The following HECW2 variants were observed in gnomAD, a reference collection of about 807,000 sequenced individuals.
HECW2 encodes the protein HECT, C2 and WW domain containing E3 ubiquitin protein ligase 2, also known as E3 ubiquitin-protein ligase HECW2.
In HECW2, 61 loss-of-function variants were observed where a neutral mutation model predicts 175.2. That is an observed-to-expected ratio of 0.35 (90% CI 0.28 to 0.43). The LOEUF is 0.43. Ranked by LOEUF, HECW2 falls within the 20% of genes least tolerant of loss-of-function variation. The pLI is 1.00. For missense variants in HECW2, 1,524 were observed against 2,000.5 expected (o/e 0.76, Z 4.54); for synonymous variants, 671 against 731.0 (o/e 0.92, Z 1.32).
intron 1 of HECW2, among the ~76,000 whole-genome samples, chr2:196,569,092 C>T (rs959471313): frequency 6.6e-6 from 1 of 152,172 alleles, no homozygotes; most frequent in Non-Finnish European, 1.5e-5. Context: ...AATCTCAGCA[C>T]TTTGGGAGGC....
In HECW2 at chr2:196,201,131, T is replaced by C; in HGVS notation, c.*146A>G. On this transcript the variant is annotated 3_prime_UTR_variant, in exon 29 of 29. Coordinates refer to ENST00000644978, the MANE Select transcript of HECW2 (RefSeq NM_001348768.2). ...AGGACTCATCTCCAGTCCCCAAATGTGACAGAGCACTTGTTCCTGGAAAAC... is the reference window on the plus strand; with the variant it reads ...AGGACTCATCTCCAGTCCCCAAATGCGACAGAGCACTTGTTCCTGGAAAAC... The C allele has an allele frequency of 1.6e-6, 1 of 630,792 alleles. No homozygotes were observed. The highest frequency in any genetic ancestry group is 2.5e-5 in the Admixed American group (1 of 40,266). The allele number at this position is 630,792 out of a possible 1,614,324, so 39.1% of individuals were successfully genotyped here.
At chr2:196,463,304 G>A (rs956917859) in intron 1 of HECW2, among the ~76,000 whole-genome samples, 2 of 151,492 alleles carry the variant, frequency 1.3e-5, no homozygotes, top group African/African-American at 4.9e-5. Flanking sequence ...CCACAGAGCT[G>A]CCTCAGTGCC....
intron 1 of HECW2, among the ~76,000 whole-genome samples, chr2:196,457,681 A>G (rs1696566199): frequency 6.6e-6 from 1 of 150,418 alleles, no homozygotes; most frequent in South Asian, 2.2e-4. Context: ...AAAATGAAGG[A>G]GCGGGACTAT....
At chr2:196,350,707 G>A (rs768501668) in intron 2 of HECW2, among the ~76,000 whole-genome samples, 1 of 152,154 alleles carries the variant, frequency 6.6e-6, no homozygotes, top group Non-Finnish European at 1.5e-5. Flanking sequence ...CAGCTGACGG[G>A]ATAAGGGGGG....
At chr2:196,477,572 C>T (rs910594126) in intron 1 of HECW2, among the ~76,000 whole-genome samples, 2 of 152,214 alleles carry the variant, frequency 1.3e-5, no homozygotes, top group Non-Finnish European at 2.9e-5. Flanking sequence ...AAAGTCTATG[C>T]TATTAATTTA....
rs114469975 is a variant in HECW2, at chr2:196,573,195, G to A, written c.-36+20313C>T. On this transcript the variant is annotated intron_variant, in intron 1 of 28. Transcript: ENST00000644978. The stretch of plus-strand genomic sequence containing the variant: ...AGGGGAAAACACTTTCAGAATGACC[G>A]AATAAAGACCCCCAGAAATTTGTTT... Among the ~76,000 whole-genome samples the A allele has an allele frequency of 4.9e-3, 680 of 138,810 alleles. 8 individuals carry two copies. The highest frequency in any genetic ancestry group is 0.017 in the African/African-American group (631 of 37,364). 91.1% of individuals were successfully genotyped at this position (138,810 alleles called of 152,430 possible).
chr2:196,323,919 GTTTT>G, intron 6 of HECW2, among the ~76,000 whole-genome samples: 1 of 37,664 alleles, frequency 2.7e-5, no homozygotes, highest in African/African-American at 6.2e-5. Context: ...TTTTTTGTTT[GTTTT>G]TTTTTTTTTT....
Position 196,406,881 on chromosome 2 carries a change from T to A in HECW2, c.292+26251A>T, listed in dbSNP as rs1694979781. Reference sequence around the variant, plus strand: ...GACTCCCAATCTAAAGTCTGCCCAATCATTCCTGTTGCATTACACTGTTTT... The same window carrying A: ...GACTCCCAATCTAAAGTCTGCCCAAACATTCCTGTTGCATTACACTGTTTT... On this transcript the variant is annotated intron_variant, in intron 2 of 28. Coordinates refer to ENST00000644978, the MANE Select transcript of HECW2 (RefSeq NM_001348768.2). Among the ~76,000 whole-genome samples the A allele has an allele frequency of 2.6e-5, 4 of 152,358 alleles. No homozygotes were observed. In the South Asian group the frequency reaches 8.3e-4, roughly 32 times the overall value.
At chr2:196,334,816 C>T (rs1481385049) in intron 3 of HECW2, among the ~76,000 whole-genome samples, 2 of 152,196 alleles carry the variant, frequency 1.3e-5, no homozygotes, top group Non-Finnish European at 2.9e-5. Flanking sequence ...TGCTCCTTAA[C>T]GTGCCACAAT....
chr2:196,303,811 T>C (rs895708895), intron 13 of HECW2, among the ~76,000 whole-genome samples: 6 of 152,220 alleles, frequency 3.9e-5, no homozygotes, highest in Non-Finnish European at 7.3e-5. Context: ...TTCTACTTTA[T>C]TAGTCTAGCT....
At chr2:196,255,130 G>A (rs1292414463) in intron 18 of HECW2, among the ~76,000 whole-genome samples, 1 of 140,910 alleles carries the variant, frequency 7.1e-6, no homozygotes, top group Non-Finnish European at 1.5e-5. Flanking sequence ...GAGTCACCAC[G>A]TTCAGCTAAT....
intron 2 of HECW2, among the ~76,000 whole-genome samples, chr2:196,379,522 A>G (rs1235706835): frequency 1.3e-5 from 2 of 151,932 alleles, no homozygotes; most frequent in Non-Finnish European, 2.9e-5. Flanking sequence ...CGTCTCTACT[A>G]AAAATACAAA....
At chr2:196,436,313 A>T (rs1695870980) in intron 1 of HECW2, among the ~76,000 whole-genome samples, 1 of 151,716 alleles carries the variant, frequency 6.6e-6, no homozygotes, top group Admixed American at 6.6e-5. Flanking sequence ...AGGCAGGAGA[A>T]TGGCATGAAC....
chr2:196,535,384 A>C (rs535902463), intron 1 of HECW2, among the ~76,000 whole-genome samples: 1 of 152,364 alleles, frequency 6.6e-6, no homozygotes, highest in South Asian at 2.1e-4. Flanking sequence ...CAAATACATC[A>C]ATGTTAAACA....
intron 1 of HECW2, among the ~76,000 whole-genome samples, chr2:196,561,115 A>G (rs1689986786): frequency 6.6e-6 from 1 of 152,244 alleles, no homozygotes; most frequent in African/African-American, 2.4e-5. Flanking sequence ...TAAGAGAAAT[A>G]TCGCTGAATT....
At chr2:196,426,661 C>A (rs6434857) in intron 2 of HECW2, among the ~76,000 whole-genome samples, 144,315 of 152,222 alleles carry the variant, frequency 0.95, 68,512 homozygotes, top group East Asian at 1. Flanking sequence ...TGAGCAAGTA[C>A]TTAACAGTTG....
At chr2:196,491,493 T>A (rs565202229) in intron 1 of HECW2, among the ~76,000 whole-genome samples, 2 of 120,420 alleles carry the variant, frequency 1.7e-5, no homozygotes, top group Non-Finnish European at 3.2e-5. Context: ...TATACACATA[T>A]ATATATATAC....
chr2:196,573,517 G>A (rs1316680497), intron 1 of HECW2, among the ~76,000 whole-genome samples: 3 of 151,982 alleles, frequency 2.0e-5, no homozygotes, highest in Non-Finnish European at 2.9e-5. Flanking sequence ...AACAGGTCTG[G>A]AGCTCCTCAA....
intron 18 of HECW2, among the ~76,000 whole-genome samples, chr2:196,254,646 T>C (rs974336914): frequency 2.0e-5 from 3 of 152,174 alleles, no homozygotes; most frequent in Non-Finnish European, 4.4e-5. Flanking sequence ...TAAAAGAGAG[T>C]AACCAGAGAC....
Sources: gnomAD v4.1 joint callset for allele counts (sites outside exome capture counted in the v4.1 genomes callset) on GRCh38, gnomAD v4.1.1 for gene constraint, MANE v1.5 for transcripts, NCBI Gene and HGNC (gene_info 2026-07-23, HGNC 2026-07-21) for gene names.